Variants in CDKAL1 observed in about 807,000 individuals in gnomAD.
CDKAL1 encodes threonylcarbamoyladenosine tRNA methylthiotransferase.
Under a neutral mutation model 68.2 loss-of-function variants are expected in CDKAL1, and 32 were observed. The observed-to-expected ratio is 0.47, with a 90% CI of 0.35 to 0.63. CDKAL1 has a LOEUF of 0.63. CDKAL1 is among the 30% of genes least tolerant of loss of function. The pLI, the probability that CDKAL1 is intolerant of heterozygous loss-of-function variation, is 0.00. For synonymous variants in CDKAL1, 234 were observed against 244.3 expected (o/e 0.96, Z 0.39); for missense variants, 606 against 696.7 (o/e 0.87, Z 1.47).
intron 11 of CDKAL1, among the ~76,000 whole-genome samples, chr6:21,002,097 G>A (rs530161819): frequency 6.6e-6 from 1 of 152,268 alleles, no homozygotes; most frequent in East Asian, 1.9e-4. Flanking sequence ...TGTTCTGGAG[G>A]TCTGTTAAAT....
chr6:20,758,899 G>A (rs1003631995), intron 7 of CDKAL1, among the ~76,000 whole-genome samples: 10 of 152,232 alleles, frequency 6.6e-5, no homozygotes, highest in African/African-American at 1.7e-4. Flanking sequence ...GTTGGGGCTG[G>A]GGCTGAGGCT....
chr6:20,946,688 C>A (rs1764253663), intron 9 of CDKAL1, among the ~76,000 whole-genome samples: 1 of 151,636 alleles, frequency 6.6e-6, no homozygotes, highest in Admixed American at 6.6e-5. Flanking sequence ...ACCTCCACCT[C>A]CCGGGTTCAA....
At chr6:20,914,427 GT>G (rs910081998) in intron 9 of CDKAL1, among the ~76,000 whole-genome samples, 13 of 150,902 alleles carry the variant, frequency 8.6e-5, no homozygotes, top group East Asian at 3.9e-4. Context: ...GAGTTTTATG[GT>G]TTTTTTTTCA....
At chr6:20,661,879 T>TA (rs1769299156) in intron 5 of CDKAL1, among the ~76,000 whole-genome samples, 2 of 152,192 alleles carry the variant, frequency 1.3e-5, no homozygotes, top group African/African-American at 4.8e-5. Flanking sequence ...TTGAAATACT[T>TA]ACATAATTAA....
chr6:21,134,548 G>A (rs534077980), intron 13 of CDKAL1, among the ~76,000 whole-genome samples: 2 of 152,158 alleles, frequency 1.3e-5, no homozygotes, highest in African/African-American at 2.4e-5. Context: ...TGCAGAATAA[G>A]TGAAGATTAA....
intron 9 of CDKAL1, among the ~76,000 whole-genome samples, chr6:20,910,025 G>A (rs921844683): frequency 1.3e-5 from 2 of 152,144 alleles, no homozygotes; most frequent in African/African-American, 4.8e-5. Context: ...AATTAGAAAA[G>A]CATTTGTTAA....
chr6:21,180,411 C>T (rs779257058), intron 13 of CDKAL1, among the ~76,000 whole-genome samples: 18 of 148,918 alleles, frequency 1.2e-4, no homozygotes, highest in East Asian at 2.0e-4. Flanking sequence ...CCAAATAATA[C>T]GTCAACTGGA....
intron 11 of CDKAL1, among the ~76,000 whole-genome samples, chr6:21,054,424 G>A (rs1235410057): frequency 6.6e-6 from 1 of 151,676 alleles, no homozygotes; most frequent in African/African-American, 2.4e-5. Context: ...AAATTGTTCT[G>A]ATTATTTCAA....
chr6:20,751,522 C>T (rs1773924916), intron 6 of CDKAL1, among the ~76,000 whole-genome samples: 2 of 152,240 alleles, frequency 1.3e-5, no homozygotes, highest in South Asian at 4.1e-4. Flanking sequence ...GAAGGTCCTG[C>T]TGACAGCACT....
intron 13 of CDKAL1, among the ~76,000 whole-genome samples, chr6:21,113,573 G>A (rs1164244897): frequency 6.6e-6 from 1 of 152,012 alleles, no homozygotes; most frequent in African/African-American, 2.4e-5. Context: ...CTTGATCTCA[G>A]CTCACCGCAA....
intron 8 of CDKAL1, among the ~76,000 whole-genome samples, chr6:20,804,241 C>T (rs375608371): frequency 3.3e-5 from 5 of 151,876 alleles, no homozygotes; most frequent in Non-Finnish European, 7.4e-5. Flanking sequence ...GGTAGGTGTA[C>T]GGATACAATG....
In CDKAL1 at chr6:20,726,304, C is replaced by A. The variant is rs569326080; in HGVS notation, c.372-13215C>A. ...GCTATGACCTGTGTGACCCTCCCCCCACCTGTTCTCCATATATCCTACTTT... is the reference window on the plus strand; with the variant it reads ...GCTATGACCTGTGTGACCCTCCCCCAACCTGTTCTCCATATATCCTACTTT... On this transcript the variant is annotated intron_variant, in intron 5 of 15. Transcript: ENST00000274695. Among the ~76,000 whole-genome samples, 99 of 152,254 alleles carry A rather than the reference C, an allele frequency of 6.5e-4. 1 individual carries two copies. The Middle Eastern group carries it at 0.01, about 16-fold the overall frequency.
At chr6:20,664,084 G>C (rs1453001713) in intron 5 of CDKAL1, among the ~76,000 whole-genome samples, 1 of 152,022 alleles carries the variant, frequency 6.6e-6, no homozygotes, top group Non-Finnish European at 1.5e-5. Flanking sequence ...TTATCAGAGG[G>C]ATATTAACGC....
Position 20,938,823 on chromosome 6 carries a change from A to G in CDKAL1, c.743-16596A>G, listed in dbSNP as rs987902635. On this transcript the variant is annotated intron_variant, in intron 9 of 15. Coordinates refer to ENST00000274695, the MANE Select transcript of CDKAL1 (RefSeq NM_017774.3). ...TTCTGATTGTGTACTTTCTACTCCA[A>G]TGGGAATGAGCATTTATGCTTTGTT... is the stretch of plus-strand genomic sequence containing the variant. 6.6e-5 allele frequency among the ~76,000 whole-genome samples: 10 copies of G among 152,204 alleles called. No homozygotes were observed. In the East Asian group the frequency reaches 1.5e-3, roughly 23 times the overall value.
intron 12 of CDKAL1, among the ~76,000 whole-genome samples, chr6:21,098,026 C>T (rs974725824): frequency 1.3e-5 from 2 of 152,216 alleles, no homozygotes; most frequent in Admixed American, 6.5e-5. Context: ...TTTCTTCCCA[C>T]TAGTTTGAAA....
intron 4 of CDKAL1, among the ~76,000 whole-genome samples, chr6:20,561,167 C>T (rs745670197): frequency 5.9e-5 from 9 of 152,026 alleles, no homozygotes; most frequent in African/African-American, 1.7e-4. Context: ...GTCAGCCGGG[C>T]GCAGTGGCTC....
intron 8 of CDKAL1, among the ~76,000 whole-genome samples, chr6:20,832,957 A>G (rs192068645): frequency 6.6e-6 from 1 of 152,232 alleles, no homozygotes; most frequent in South Asian, 2.1e-4. Context: ...CTCAATCTCT[A>G]AAAGAAAAGG....
chr6:20,848,295 C>CA (rs1193252785), intron 9 of CDKAL1, among the ~76,000 whole-genome samples: 4 of 11,696 alleles, frequency 3.4e-4, no homozygotes, highest in African/African-American at 1.2e-3. Context: ...TTTTTTTTTC[C>CA]AATTTAGTTC....
intron 10 of CDKAL1, among the ~76,000 whole-genome samples, chr6:20,983,731 CA>C (rs1234607888): frequency 6.6e-6 from 1 of 151,984 alleles, no homozygotes; most frequent in Non-Finnish European, 1.5e-5. Context: ...AAAAATAACC[CA>C]AAAAGCTACA....
Sources: allele counts gnomAD v4.1 joint callset (sites outside exome capture counted in the v4.1 genomes callset), GRCh38; gene constraint gnomAD v4.1.1; transcripts MANE v1.5; gene names NCBI Gene and HGNC (gene_info 2026-07-23, HGNC 2026-07-21).